TAL1: variants seen among roughly 807,000 people sequenced by gnomAD.
TAL1 encodes T-cell acute lymphocytic leukemia protein 1.
TAL1 carries 8 observed loss-of-function variants against 17.9 expected under a neutral mutation model. That is an observed-to-expected ratio of 0.45 (90% CI 0.26 to 0.81). TAL1 has a LOEUF of 0.81. Among genes scored for constraint, TAL1 ranks in the 30% least tolerant of loss-of-function variants. The probability of loss-of-function intolerance (pLI) is 0.17; values close to 1 mark genes in which losing one functional copy is unlikely to be tolerated. For missense variants in TAL1, 466 were observed against 486.9 expected, an observed-to-expected ratio of 0.96 and a Z score of 0.40; for synonymous variants, 223 against 218.6, an observed-to-expected ratio of 1.02 and a Z score of -0.18.
At chr1:47,225,595 C>G in exon 2 of TAL1, 1 of 1,308,912 alleles carries the variant, frequency 7.6e-7, no homozygotes, top group South Asian at 2.4e-5. Flanking sequence ...CCGGGGCGGG[C>G]CCGGGAGGTC....
chr1:47,225,085 T>A (rs1278730097), intron 2 of TAL1, among the ~76,000 whole-genome samples: 1 of 152,164 alleles, frequency 6.6e-6, no homozygotes, highest in Non-Finnish European at 1.5e-5. Flanking sequence ...TCTTTCCTGG[T>A]ACCCACGCTC....
intron 1 of TAL1, chr1:47,228,566 G>A (rs1401118722): frequency 5.6e-6 from 1 of 177,278 alleles, no homozygotes; most frequent in Non-Finnish European, 1.2e-5. Context: ...TTCTTCCTGG[G>A]GACAGGTCTC....
In TAL1 at chr1:47,219,894, G is replaced by GGCGCCCCCCCCCCCCCCCCCCCCCCCCCC; in HGVS notation, c.821_822insGGGGGGGGGGGGGGGGGGGGGGGGGGCGC (p.Ala275GlyfsTer180). 6.4e-7 allele frequency: 1 copy of GGCGCCCCCCCCCCCCCCCCCCCCCCCCCC among 1,556,032 alleles called. No individual in the cohort carries two copies. Among genetic ancestry groups the GGCGCCCCCCCCCCCCCCCCCCCCCCCCCC allele is most frequent in the Non-Finnish European group, 8.7e-7 (1 of 1,149,576 alleles). On this transcript the variant is annotated frameshift_variant, in exon 4 of 4. Coordinates refer to ENST00000294339, the Ensembl canonical transcript of TAL1. LOFTEE classifies it high-confidence loss of function. ...CTTGCAGGAGGTCATCTGGGGGCGC[G>GGCGCCCCCCCCCCCCCCCCCCCCCCCCCC]CCGCCCCCTCCCCCACCTCCACCCC...
At chr1:47,219,830 C>T in exon 4 of TAL1, 5 of 1,604,032 alleles carry the variant, frequency 3.1e-6, no homozygotes, top group Non-Finnish European at 4.3e-6. Context: ...GCTGCCCCAT[C>T]CAGGGAGCTG....
At chr1:47,219,662 C>T (rs750315593) in exon 4 of TAL1, 3 of 1,598,654 alleles carry the variant, frequency 1.9e-6, no homozygotes, top group Non-Finnish European at 2.5e-6. Context: ...TGCCCTGAAG[C>T]CCACCATCCC....
chr1:47,230,131 C>T (rs1643984094), upstream of TAL1: 1 of 152,158 alleles, frequency 6.6e-6, no homozygotes, highest in African/African-American at 2.4e-5. Context: ...CCTCCACCAC[C>T]CCTACGAAAT....
Position 47,226,019 on chromosome 1 carries a change from C to T in TAL1, c.-1-130G>A, listed in dbSNP as rs573866027. The T allele has an allele frequency of 8.3e-5, 56 of 674,374 alleles. No individual in the cohort carries two copies. In the African/African-American group the frequency reaches 1.2e-3, roughly 14 times the overall value. 41.8% of individuals were successfully genotyped at this position (674,374 alleles called of 1,614,324 possible). On this transcript the variant is annotated intron_variant, in intron 1 of 3. Coordinates refer to ENST00000294339, the Ensembl canonical transcript of TAL1. Reference sequence around the variant, plus strand: ...GCACCGAGACGTGAGAAGAGGCAGACAAAGTTAGCGCCACGTGGGGCTAGG... The same window carrying T: ...GCACCGAGACGTGAGAAGAGGCAGATAAAGTTAGCGCCACGTGGGGCTAGG...
chr1:47,224,101 G>A lies in TAL1; in HGVS notation c.447-3C>T, dbSNP rs1300361221. The A allele has an allele frequency of 1.9e-6, 3 of 1,613,430 alleles. No individual in the cohort carries two copies. The highest frequency in any genetic ancestry group is 2.7e-5 in the African/African-American group (2 of 74,868). On this transcript the variant is annotated splice_region_variant and splice_polypyrimidine_tract_variant and intron_variant, in intron 2 of 3. Coordinates refer to ENST00000294339, the Ensembl canonical transcript of TAL1. ...CATCCGGCTCCCCAAAGAACCCGCT[G>A]TGGGAGGGAACGGGCAGATCACAAG...
At chr1:47,222,037 G>A (rs1423151532) in intron 3 of TAL1, among the ~76,000 whole-genome samples, 2 of 152,248 alleles carry the variant, frequency 1.3e-5, no homozygotes, top group South Asian at 2.1e-4. Context: ...CACAACTGCA[G>A]GGCAGTTCTA....
chr1:47,219,670 C>G, exon 4 of TAL1: 1 of 1,601,206 alleles, frequency 6.2e-7, no homozygotes, highest in East Asian at 2.2e-5. Flanking sequence ...AGCCCACCAT[C>G]CCAGCAGCCT....
chr1:47,226,773 G>A (rs1569921463), intron 1 of TAL1, among the ~76,000 whole-genome samples: 1 of 152,210 alleles, frequency 6.6e-6, no homozygotes, highest in Admixed American at 6.5e-5. Flanking sequence ...AGGTAGAATG[G>A]AGCTGGGCAT....
exon 2 of TAL1, chr1:47,225,850 G>C (rs1361149957): frequency 1.3e-6 from 2 of 1,586,226 alleles, no homozygotes; most frequent in African/African-American, 2.7e-5. Flanking sequence ...CTAGCTGGGG[G>C]TCACTGCGAG....
At chr1:47,225,698 G>A (rs1412787624) in exon 2 of TAL1, 4 of 1,440,196 alleles carry the variant, frequency 2.8e-6, no homozygotes, top group South Asian at 1.4e-5. Context: ...CCCACCGGCA[G>A]GGCCGCCCCC....
intron 3 of TAL1, among the ~76,000 whole-genome samples, chr1:47,220,894 A>C (rs566751576): frequency 6.6e-6 from 1 of 152,356 alleles, no homozygotes; most frequent in East Asian, 1.9e-4. Flanking sequence ...ACCAGGGCTG[A>C]ATTGTAATGA....
At chr1:47,218,624 T>C (rs1246040394) in exon 4 of TAL1, 13 of 232,808 alleles carry the variant, frequency 5.6e-5, no homozygotes, top group Non-Finnish European at 9.3e-5. Flanking sequence ...ACCCTAGAAG[T>C]GAGGCTGGAT....
chr1:47,220,062 G>A lies in TAL1; in HGVS notation c.654C>T (p.Pro218=), dbSNP rs763685527. Residue 218 remains proline (P), a synonymous_variant, in exon 4 of 4, where the codon CCC becomes CCT. Transcript: ENST00000294339. ...CATTCTTGCTGAGCTTCTTGTCCGG[G>A]GGATGTGTGGGGATCAGCTTGCGGA... The A allele has an allele frequency of 2.5e-6, 4 of 1,613,988 alleles. No individual in the cohort carries two copies. The Admixed American group carries it at 5.0e-5, about 20-fold the overall frequency.
At chr1:47,225,631 A>T (rs1643895782) in exon 2 of TAL1, 1 of 1,383,840 alleles carries the variant, frequency 7.2e-7, no homozygotes, top group Non-Finnish European at 9.3e-7. Context: ...TGGGCACCCG[A>T]TGGCGCGCTT....
exon 4 of TAL1, chr1:47,218,112 G>C (rs906527372): frequency 4.0e-6 from 1 of 252,582 alleles, no homozygotes; most frequent in Admixed American, 5.5e-5. Flanking sequence ...GGGCTTTCCA[G>C]ACAGCCACAG....
chr1:47,223,105 C>A (rs1643855960), intron 3 of TAL1, among the ~76,000 whole-genome samples: 1 of 152,188 alleles, frequency 6.6e-6, no homozygotes, highest in South Asian at 2.1e-4. Flanking sequence ...GGCTCCAGCT[C>A]CATACTCATA....
Sources: allele counts gnomAD v4.1 joint callset (sites outside exome capture counted in the v4.1 genomes callset), GRCh38; gene constraint gnomAD v4.1.1; transcripts MANE v1.5; gene names NCBI Gene and HGNC (gene_info 2026-07-23, HGNC 2026-07-21).